EEA1: variants seen among roughly 807,000 people sequenced by gnomAD.
EEA1 encodes early endosome antigen 1.
A neutral mutation model predicts 209.2 loss-of-function variants in EEA1; 111 were observed. That is an observed-to-expected ratio of 0.53 (90% CI 0.45 to 0.62). The LOEUF is 0.62. Ranked by LOEUF, EEA1 falls within the 20% of genes least tolerant of loss-of-function variation. The pLI is 0.00. For missense variants in EEA1, 1,343 were observed against 1,530.8 expected (o/e 0.88, Z 2.05); for synonymous variants, 536 against 540.6 (o/e 0.99, Z 0.12).
At chr12:92,916,985 AG>A (rs1425136755) in intron 1 of EEA1, among the ~76,000 whole-genome samples, 2 of 151,812 alleles carry the variant, frequency 1.3e-5, no homozygotes, top group African/African-American at 4.9e-5. Context: ...ACTGGAAGAA[AG>A]GGTGTCAGCA....
At chr12:92,865,056 T>C (rs1878316856) in intron 2 of EEA1, 69 bp from the exon 3 acceptor site, 4 of 1,258,730 alleles carry the variant, frequency 3.2e-6, no homozygotes, top group Middle Eastern at 1.9e-4. Context: ...TTGCATATTA[T>C]TAAATATCAC....
intron 1 of EEA1, among the ~76,000 whole-genome samples, chr12:92,898,612 C>G (rs991406030): frequency 6.7e-6 from 1 of 148,858 alleles, no homozygotes; most frequent in African/African-American, 2.5e-5. Flanking sequence ...TGCAGTGAGC[C>G]GAGATCGTGC....
At position 92,801,793 on chromosome 12, in the gene EEA1, A is replaced by C. The variant is rs543648831; in HGVS notation, c.2671-92T>G. 343 of 774,144 alleles carry C rather than the reference A, an allele frequency of 4.4e-4. No individual in the cohort carries two copies. In the African/African-American group the frequency reaches 5.9e-3, roughly 13 times the overall value. 48.0% of individuals were successfully genotyped at this position (774,144 alleles called of 1,614,324 possible). A position where few individuals can be genotyped will look rare whatever the true frequency, so the allele number is the denominator to read the frequency against. ...AACCTTAGTAAGATACACACGAAGA[A>C]ATAAACTAAAATTATGATGAGCTAA... On this transcript the variant is annotated intron_variant, in intron 19 of 28. Coordinates refer to ENST00000322349, the MANE Select transcript of EEA1 (RefSeq NM_003566.4).
chr12:92,902,958 G>A (rs568387380), intron 1 of EEA1, among the ~76,000 whole-genome samples: 6 of 146,744 alleles, frequency 4.1e-5, no homozygotes, highest in South Asian at 2.2e-4. Flanking sequence ...TTTTTGAGAC[G>A]GAGTCTCGCT....
intron 12 of EEA1, among the ~76,000 whole-genome samples, chr12:92,827,233 T>A (rs1450059491): frequency 1.3e-5 from 2 of 152,100 alleles, no homozygotes; most frequent in African/African-American, 4.8e-5. Flanking sequence ...GGCGCACATC[T>A]GTAGTCCCTA....
At chr12:92,842,012 T>C (rs1487530046) in intron 10 of EEA1, among the ~76,000 whole-genome samples, 1 of 152,204 alleles carries the variant, frequency 6.6e-6, no homozygotes, top group Non-Finnish European at 1.5e-5. Flanking sequence ...CAACAAAATG[T>C]TATTCAGCCT....
chr12:92,808,817 A>G (rs1374555623), intron 18 of EEA1, among the ~76,000 whole-genome samples, 200 bp downstream of exon 18: 1 of 152,240 alleles, frequency 6.6e-6, no homozygotes, highest in African/African-American at 2.4e-5. Flanking sequence ...CTAAGTTTTC[A>G]GTCCTTTCTA....
intron 1 of EEA1, among the ~76,000 whole-genome samples, chr12:92,927,066 G>A (rs1881242850): frequency 6.6e-6 from 1 of 152,144 alleles, no homozygotes; most frequent in South Asian, 2.1e-4. Context: ...ACTTAACTGT[G>A]AGAAACACTT....
intron 9 of EEA1, among the ~76,000 whole-genome samples, chr12:92,850,213 G>A (rs543973407): frequency 6.6e-6 from 1 of 152,264 alleles, no homozygotes; most frequent in East Asian, 1.9e-4. Flanking sequence ...ACCAGCGCAT[G>A]TAAATTACAG....
chr12:92,842,297 G>GA (rs1301722403), intron 10 of EEA1, among the ~76,000 whole-genome samples, 168 bp downstream of exon 10: 1 of 150,434 alleles, frequency 6.6e-6, no homozygotes, highest in Non-Finnish European at 1.5e-5. Context: ...TTTGCACAAT[G>GA]AAAAAAGTTC....
intron 3 of EEA1, chr12:92,858,796 G>A: frequency 5.1e-6 from 4 of 787,900 alleles, no homozygotes; most frequent in Non-Finnish European, 9.1e-6. Context: ...ATACCTTGAT[G>A]AGGATACAAT....
At chr12:92,833,398 T>C (rs931508072) in intron 10 of EEA1, among the ~76,000 whole-genome samples, 5 of 152,190 alleles carry the variant, frequency 3.3e-5, no homozygotes, top group Non-Finnish European at 7.3e-5. Flanking sequence ...TATTAAAAAA[T>C]GATCTAAAGC....
intron 1 of EEA1, among the ~76,000 whole-genome samples, chr12:92,922,803 A>G (rs1248447708): frequency 1.3e-5 from 2 of 151,760 alleles, no homozygotes; most frequent in Admixed American, 6.6e-5. Context: ...AAATACAAAA[A>G]AAAAATTAGC....
intron 6 of EEA1, among the ~76,000 whole-genome samples, 153 bp downstream of exon 6, chr12:92,853,762 T>C (rs999967734): frequency 6.6e-6 from 1 of 152,220 alleles, no homozygotes; most frequent in Non-Finnish European, 1.5e-5. Flanking sequence ...TGTAACTCTC[T>C]ACACCTAGAA....
In EEA1 at chr12:92,777,670, T is replaced by C. The variant is rs765121542; in HGVS notation, c.3894-7A>G. 40 of 1,609,476 alleles carry C rather than the reference T, an allele frequency of 2.5e-5. No individual in the cohort carries two copies. The highest frequency in any genetic ancestry group is 3.4e-5 in the Non-Finnish European group (40 of 1,177,956). On this transcript the variant is annotated splice_polypyrimidine_tract_variant and splice_region_variant and intron_variant, in intron 26 of 28. Coordinates refer to ENST00000322349, the MANE Select transcript of EEA1 (RefSeq NM_003566.4). Reference sequence around the variant, plus strand: ...ACCTTCTCCTTTAAGACATCTGGAATAGATTGCAAAGAGGTAATTAATTTT... The same window carrying C: ...ACCTTCTCCTTTAAGACATCTGGAACAGATTGCAAAGAGGTAATTAATTTT...
intron 21 of EEA1, 73 bp downstream of exon 21, chr12:92,798,819 G>A (rs879894567): frequency 1.5e-5 from 18 of 1,198,076 alleles, no homozygotes; most frequent in Non-Finnish European, 1.9e-5. Flanking sequence ...TTATCCATCT[G>A]TATTAATCAT....
intron 11 of EEA1, among the ~76,000 whole-genome samples, chr12:92,829,778 TAA>T (rs1270792347): frequency 5.6e-5 from 4 of 71,248 alleles, no homozygotes; most frequent in Admixed American, 1.7e-4. Context: ...AACTCTGTCT[TAA>T]AAAAAAAAAA....
chr12:92,773,965 A>C lies in EEA1; in HGVS notation c.*2046T>G, dbSNP rs1873539804. The C allele has an allele frequency of 6.6e-6, 1 of 150,594 alleles. No homozygotes were observed. Among genetic ancestry groups the C allele is most frequent in the African/African-American group, 2.4e-5 (1 of 41,142 alleles). 9.3% of individuals were successfully genotyped at this position (150,594 alleles called of 1,614,324 possible). ...TGAGTATTTTGGGGGTAAAGGGGAG[A>C]CAGACAGAAGGCCTGGAGTGGTGTT... On this transcript the variant is annotated 3_prime_UTR_variant, in exon 29 of 29. Coordinates refer to ENST00000322349, the MANE Select transcript of EEA1 (RefSeq NM_003566.4).
rs1345066763 is a variant in EEA1 at position 92,862,504 on chromosome 12, G to A, written c.245+2356C>T. Among the ~76,000 whole-genome samples, 7 of 152,024 alleles carry A rather than the reference G, an allele frequency of 4.6e-5. No homozygotes were observed. In the South Asian group the frequency reaches 8.3e-4, roughly 18 times the overall value. On this transcript the variant is annotated intron_variant, in intron 3 of 28. Transcript: ENST00000322349. ...CCAGTTACTTGGGAGGCTGAGGCAC[G>A]AGGATTACTTGAGACCAGGAGTTGG... is the stretch of plus-strand genomic sequence containing the variant.
Sources: allele counts gnomAD v4.1 joint callset (sites outside exome capture counted in the v4.1 genomes callset), GRCh38; gene constraint gnomAD v4.1.1; transcripts MANE v1.5; gene names NCBI Gene and HGNC (gene_info 2026-07-23, HGNC 2026-07-21).